GRK5: variants seen among roughly 807,000 people sequenced by gnomAD.
GRK5 encodes the protein g protein-coupled receptor kinase GRK5.
Under a neutral mutation model 78.4 loss-of-function variants are expected in GRK5, and 40 were observed. That is an observed-to-expected ratio of 0.51 (90% confidence interval 0.40 to 0.66). The LOEUF is 0.66. Ranked by LOEUF, GRK5 falls within the 30% of genes least tolerant of loss-of-function variation. The pLI is 0.00. For synonymous variants in GRK5, 289 were observed against 296.8 expected (o/e 0.97, Z 0.27); for missense variants, 598 against 759.9 (o/e 0.79, Z 2.50).
chr10:119,240,305 A>G (rs1589696388), intron 1 of GRK5, among the ~76,000 whole-genome samples: 1 of 140,098 alleles, frequency 7.1e-6, no homozygotes, highest in Non-Finnish European at 1.5e-5. Context: ...GGTTCATGCC[A>G]TTCTCCTGCC....
At chr10:119,358,248 C>G (rs1033662916) in intron 2 of GRK5, among the ~76,000 whole-genome samples, 1 of 152,104 alleles carries the variant, frequency 6.6e-6, no homozygotes, top group Non-Finnish European at 1.5e-5. Context: ...GGTCCTAGCT[C>G]GGATGTTGTC....
chr10:119,215,634 C>A (rs1212367555), intron 1 of GRK5, among the ~76,000 whole-genome samples: 2 of 124,736 alleles, frequency 1.6e-5, no homozygotes, highest in Non-Finnish European at 3.3e-5. Context: ...TGGATGGTGG[C>A]GGGGGTGGAG....
At chr10:119,311,914 A>ACTTTTTTTTTTTTTTTTTT (rs34048341) in intron 1 of GRK5, among the ~76,000 whole-genome samples, 1 of 137,814 alleles carries the variant, frequency 7.3e-6, no homozygotes, top group Non-Finnish European at 1.5e-5. Flanking sequence ...TGAATTGTTC[A>ACTTTTTTTTTTTTTTTTTT]TTTTTTTTTT....
chr10:119,319,598 C>T (rs7894210), intron 1 of GRK5, among the ~76,000 whole-genome samples: 11,576 of 152,298 alleles, frequency 0.076, 823 homozygotes, highest in African/African-American at 0.19. Context: ...ACCATGTCCT[C>T]TTCCCTGACT....
intron 8 of GRK5, 122 bp from the exon 9 acceptor site, chr10:119,436,529 C>A: frequency 1.1e-6 from 1 of 945,986 alleles, no homozygotes; most frequent in Non-Finnish European, 1.6e-6. Context: ...CATCTGGGTG[C>A]AGGGGAGCAG....
intron 1 of GRK5, among the ~76,000 whole-genome samples, chr10:119,266,730 T>C (rs2133665536): frequency 7.7e-6 from 1 of 129,218 alleles, no homozygotes; most frequent in Non-Finnish European, 1.6e-5. Context: ...CCACTAGGCT[T>C]GGATTTGGCC....
At chr10:119,328,860 G>T (rs763457954) in intron 2 of GRK5, among the ~76,000 whole-genome samples, 2 of 152,264 alleles carry the variant, frequency 1.3e-5, no homozygotes, top group South Asian at 4.1e-4. Context: ...ACAGCCAGAT[G>T]TGAAGGCCAC....
intron 1 of GRK5, among the ~76,000 whole-genome samples, chr10:119,313,062 G>GTGGTGGTGATGGTGGTGGTGGTGGTGA (rs1850404178): frequency 2.2e-5 from 1 of 44,910 alleles, no homozygotes; most frequent in African/African-American, 7.2e-5. Context: ...AATGATGATG[G>GTGGTGGTGATGGTGGTGGTGGTGGTGA]TGGTGGTGAT....
At chr10:119,243,838 AGGACC>A (rs1295515757) in intron 1 of GRK5, among the ~76,000 whole-genome samples, 11 of 152,226 alleles carry the variant, frequency 7.2e-5, no homozygotes, top group Non-Finnish European at 1.3e-4. Flanking sequence ...CACCCCTGAT[AGGACC>A]TAGTGGTTCA....
At chr10:119,306,951 C>G in intron 1 of GRK5, among the ~76,000 whole-genome samples, 1 of 152,062 alleles carries the variant, frequency 6.6e-6, no homozygotes, top group African/African-American at 2.4e-5. Context: ...TGATGGCTCA[C>G]TTTTTCTCCC....
At chr10:119,420,439 C>G (rs966525199) in intron 4 of GRK5, among the ~76,000 whole-genome samples, 1 of 151,472 alleles carries the variant, frequency 6.6e-6, no homozygotes, top group Non-Finnish European at 1.5e-5. Context: ...ACAGTACAAC[C>G]GAGAGGCATA....
chr10:119,416,393 A>G (rs1235828024), intron 4 of GRK5, among the ~76,000 whole-genome samples: 1 of 152,208 alleles, frequency 6.6e-6, no homozygotes, highest in Non-Finnish European at 1.5e-5. Context: ...CTACGGCAGC[A>G]TTCCTGCCAG....
chr10:119,331,130 C>T (rs540015182), intron 2 of GRK5, among the ~76,000 whole-genome samples: 3 of 152,174 alleles, frequency 2.0e-5, no homozygotes, highest in Non-Finnish European at 4.4e-5. Flanking sequence ...GGACCACCCC[C>T]CCGCCGCGAC....
rs1407944807 is a variant in GRK5, at chr10:119,457,037, A to G, written c.*1970A>G. The G allele has an allele frequency of 1.3e-5, 2 of 152,182 alleles. No individual in the cohort carries two copies. Among genetic ancestry groups the G allele is most frequent in the Non-Finnish European group, 2.9e-5 (2 of 68,044 alleles). The allele number at this position is 152,182 out of a possible 1,614,324, so 9.4% of individuals were successfully genotyped here. A position where few individuals can be genotyped will look rare whatever the true frequency, so the allele number is the denominator to read the frequency against. On this transcript the variant is annotated 3_prime_UTR_variant, in exon 16 of 16. Transcript: ENST00000392870. ...GCTCTTGTTTTATGAGGCTCCTTCCATTACCTTTCTTGGGCTGAATGCAAA... is the reference window on the plus strand; with the variant it reads ...GCTCTTGTTTTATGAGGCTCCTTCCGTTACCTTTCTTGGGCTGAATGCAAA...
chr10:119,257,045 T>C (rs946831732), intron 1 of GRK5, among the ~76,000 whole-genome samples: 1 of 152,264 alleles, frequency 6.6e-6, no homozygotes, highest in Non-Finnish European at 1.5e-5. Flanking sequence ...TCATCCATGT[T>C]GCAGCCTGCA....
chr10:119,369,882 G>A (rs542721521), intron 2 of GRK5, among the ~76,000 whole-genome samples: 15 of 152,242 alleles, frequency 9.9e-5, no homozygotes, highest in African/African-American at 3.6e-4. Context: ...TGGTCCTGCC[G>A]TTCCCTCAGT....
chr10:119,452,931 G>T lies in GRK5; in HGVS notation c.1542+123G>T. ...AGCGCATGGTTTCTGTTTTCTCCAT[G>T]AAGGCAGCACACAAAAGCTGTCAGT... On this transcript the variant is annotated intron_variant, in intron 14 of 15. Coordinates refer to ENST00000392870, the MANE Select transcript of GRK5 (RefSeq NM_005308.3). The surrounding 1 kb of genome is among the most constrained non-coding windows in gnomAD (Gnocchi z 4.4). 1 of 1,228,824 alleles carries T rather than the reference G, an allele frequency of 8.1e-7. No homozygotes were observed. The highest frequency in any genetic ancestry group is 1.2e-6 in the Non-Finnish European group (1 of 860,392). The allele number at this position is 1,228,824 out of a possible 1,614,324, so 76.1% of individuals were successfully genotyped here.
In GRK5 at chr10:119,423,241, A is replaced by G; in HGVS notation, c.415A>G (p.Lys139Glu). ...TEEKLLQKPC[K>E]ELFSACAQSV... is the part of the protein sequence containing the mutation. ...GGAGAAGCTCCTACAGAAGCCGTGC[A>G]AAGAACTCTTTTCTGCCTGTGCACA... Residue 139 changes from lysine to glutamate, a missense_variant, in exon 5 of 16, where the codon AAA (lysine) becomes GAA (glutamate). By Grantham distance (56) the Lys-to-Glu change is moderately conservative. Transcript: ENST00000392870. 6.2e-7 allele frequency: 1 copy of G among 1,614,090 alleles called. No homozygotes were observed. Among genetic ancestry groups the G allele is most frequent in the Non-Finnish European group, 8.5e-7 (1 of 1,179,912 alleles).
chr10:119,389,291 T>G (rs1242795876), intron 3 of GRK5, among the ~76,000 whole-genome samples: 1 of 152,268 alleles, frequency 6.6e-6, no homozygotes, highest in Non-Finnish European at 1.5e-5. Flanking sequence ...TGATCCACTC[T>G]GCCTCACTGG....
Sources: allele counts gnomAD v4.1 joint callset (sites outside exome capture counted in the v4.1 genomes callset), GRCh38; gene constraint gnomAD v4.1.1; non-coding constraint Gnocchi (gnomAD v3.1); transcripts MANE v1.5; gene names NCBI Gene and HGNC (gene_info 2026-07-23, HGNC 2026-07-21).